Variants in ANO10 observed in about 807,000 individuals in gnomAD.
ANO10 encodes anoctamin 10.
ANO10 carries 77 observed loss-of-function variants against 74.7 expected under a neutral mutation model. The observed-to-expected ratio is 1.03, with a 90% CI of 0.86 to 1.25. ANO10 has a LOEUF of 1.25. Ranked by LOEUF, ANO10 falls within the 50% of genes most tolerant of loss-of-function variation. The pLI, the probability that ANO10 is intolerant of heterozygous loss-of-function variation, is 0.00. For missense variants in ANO10, 721 were observed against 778.1 expected, an observed-to-expected ratio of 0.93 and a Z score of 0.87; for synonymous variants, 279 against 284.9, an observed-to-expected ratio of 0.98 and a Z score of 0.21.
chr3:43,449,537 T>G (rs2074755429), intron 11 of ANO10, among the ~76,000 whole-genome samples: 1 of 127,956 alleles, frequency 7.8e-6, no homozygotes, highest in Admixed American at 7.9e-5. Context: ...TTTTTTTTTG[T>G]ATGTGATGTC....
intron 12 of ANO10, among the ~76,000 whole-genome samples, chr3:43,383,501 TC>T (rs916266975): frequency 6.6e-6 from 1 of 151,046 alleles, no homozygotes; most frequent in African/African-American, 2.4e-5. Context: ...TCAAGTGGGT[TC>T]CATACCAGGG....
chr3:43,383,904 G>A (rs1483498121), intron 12 of ANO10, among the ~76,000 whole-genome samples: 2 of 152,120 alleles, frequency 1.3e-5, no homozygotes, highest in Non-Finnish European at 2.9e-5. Flanking sequence ...GCATAGTACT[G>A]GAAGTCCTAG....
intron 11 of ANO10, among the ~76,000 whole-genome samples, chr3:43,501,971 A>C (rs2077116267): frequency 6.6e-6 from 1 of 152,236 alleles, no homozygotes; most frequent in Admixed American, 6.5e-5. Flanking sequence ...CCTCACACCC[A>C]TAGGATGGCT....
chr3:43,380,560 A>G (rs1406038849), intron 12 of ANO10, among the ~76,000 whole-genome samples: 2 of 152,184 alleles, frequency 1.3e-5, no homozygotes, highest in Non-Finnish European at 2.9e-5. Flanking sequence ...AAACAAAACA[A>G]TTGGCCAAGA....
chr3:43,507,172 T>G (rs1276580759), intron 11 of ANO10, among the ~76,000 whole-genome samples: 3 of 152,206 alleles, frequency 2.0e-5, no homozygotes, highest in Non-Finnish European at 4.4e-5. Flanking sequence ...AGTTGATAAG[T>G]ACATTTCTCT....
intron 12 of ANO10, among the ~76,000 whole-genome samples, chr3:43,369,347 T>C (rs1273167334): frequency 6.6e-6 from 1 of 152,258 alleles, no homozygotes; most frequent in African/African-American, 2.4e-5. Context: ...CACAAGGTCA[T>C]CTGCACTGAA....
chr3:43,455,642 GTTGA>G (rs2075091104), intron 11 of ANO10, among the ~76,000 whole-genome samples: 1 of 152,096 alleles, frequency 6.6e-6, no homozygotes. Context: ...GTTCTGACTG[GTTGA>G]TTATTTCTCC....
At chr3:43,665,461 G>A (rs973858115) in intron 1 of ANO10, among the ~76,000 whole-genome samples, 20 of 151,980 alleles carry the variant, frequency 1.3e-4, no homozygotes, top group Non-Finnish European at 2.5e-4. Context: ...ACCATGGCAC[G>A]TGTATACCTA....
intron 1 of ANO10, chr3:43,691,235 C>G (rs1305359505): frequency 1.1e-5 from 5 of 466,252 alleles, no homozygotes; most frequent in African/African-American, 2.0e-5. Context: ...AGAGGCTCCC[C>G]TCAGCGTCGG....
upstream of ANO10, among the ~76,000 whole-genome samples, chr3:43,624,036 G>A (rs1265488456): frequency 1.3e-5 from 2 of 152,066 alleles, no homozygotes; most frequent in Non-Finnish European, 2.9e-5. Flanking sequence ...AAAAATGAAT[G>A]GAAATATAAA....
At chr3:43,390,463 T>C (rs2092246815) in intron 12 of ANO10, among the ~76,000 whole-genome samples, 1 of 152,232 alleles carries the variant, frequency 6.6e-6, no homozygotes, top group Non-Finnish European at 1.5e-5. Flanking sequence ...GTTCTGTGGC[T>C]TTGCACAAAC....
At position 43,379,662 on chromosome 3, in the gene ANO10, G is replaced by A. The variant is rs549378036; in HGVS notation, c.1915-12688C>T. ...AACTCAGCGCTGTTGTGGGGGCACG[G>A]TGGGAGGGAGACTGGCCTTTTGGGC... On this transcript the variant is annotated intron_variant, in intron 12 of 12. Coordinates refer to ENST00000292246, the MANE Select transcript of ANO10 (RefSeq NM_018075.5). Among the ~76,000 whole-genome samples the A allele has an allele frequency of 2.0e-5, 3 of 152,330 alleles. No individual in the cohort carries two copies. In the East Asian group the frequency reaches 5.8e-4, roughly 29 times the overall value.
intron 12 of ANO10, among the ~76,000 whole-genome samples, chr3:43,394,935 G>A (rs2092349590): frequency 6.6e-6 from 1 of 152,108 alleles, no homozygotes; most frequent in African/African-American, 2.4e-5. Flanking sequence ...TTCAAGAGAG[G>A]TCCACTCTTA....
Position 43,602,961 on chromosome 3 carries a change from T to C in ANO10, c.140-2380A>G, listed in dbSNP as rs138185064. The stretch of plus-strand genomic sequence containing the variant: ...GAAGATGAGGATTTTTAGCTCCCTT[T>C]CTTTCTTCACCATTTCCATTCATCA... On this transcript the variant is annotated intron_variant, in intron 2 of 12. Coordinates refer to ENST00000292246, the MANE Select transcript of ANO10 (RefSeq NM_018075.5). Among the ~76,000 whole-genome samples the C allele has an allele frequency of 4.7e-3, 717 of 152,372 alleles. 5 individuals carry two copies. The highest frequency in any genetic ancestry group is 0.017 in the African/African-American group (690 of 41,582).
chr3:43,629,977 G>A (rs148260050), intron 1 of ANO10, among the ~76,000 whole-genome samples: 25 of 152,230 alleles, frequency 1.6e-4, no homozygotes, highest in Middle Eastern at 6.8e-3. Context: ...AGAGGACCAA[G>A]GACAGAGCCT....
intron 12 of ANO10, among the ~76,000 whole-genome samples, chr3:43,405,766 A>C (rs999368586): frequency 6.6e-6 from 1 of 151,820 alleles, no homozygotes; most frequent in Non-Finnish European, 1.5e-5. Context: ...GAGCCACTGC[A>C]CCCAGCCTGT....
intron 11 of ANO10, among the ~76,000 whole-genome samples, chr3:43,509,668 C>A (rs889443151): frequency 2.6e-5 from 4 of 152,182 alleles, no homozygotes; most frequent in Non-Finnish European, 5.9e-5. Flanking sequence ...CATGCAATTA[C>A]CATTCAACCC....
chr3:43,581,931 A>C (rs1257791238), intron 4 of ANO10, among the ~76,000 whole-genome samples: 1 of 151,822 alleles, frequency 6.6e-6, no homozygotes, highest in Admixed American at 6.6e-5. Context: ...ATCTCGAAAA[A>C]AAAAAAGAAA....
At chr3:43,590,352 A>C (rs1404628052) in intron 4 of ANO10, among the ~76,000 whole-genome samples, 1 of 152,222 alleles carries the variant, frequency 6.6e-6, no homozygotes, top group Non-Finnish European at 1.5e-5. Context: ...TTAGAATTTG[A>C]AAAAGCTCTG....
Sources: allele counts gnomAD v4.1 joint callset (sites outside exome capture counted in the v4.1 genomes callset), GRCh38; gene constraint gnomAD v4.1.1; transcripts MANE v1.5; gene names NCBI Gene and HGNC (gene_info 2026-07-23, HGNC 2026-07-21).